The following DRG1 variants were observed in gnomAD, a reference collection of about 807,000 sequenced individuals.
DRG1 encodes the protein developmentally regulated GTP binding protein 1, also known as developmentally-regulated GTP-binding protein 1.
Under a neutral mutation model 38.8 loss-of-function variants are expected in DRG1, and 19 were observed. The ratio of observed to expected loss-of-function variants is 0.49; its 90% confidence interval spans 0.34 to 0.72. The LOEUF is 0.72. DRG1 is among the 30% of genes least tolerant of loss of function. DRG1 has a pLI of 0.01. For synonymous variants in DRG1, 167 were observed against 157.5 expected (o/e 1.06, Z -0.45); for missense variants, 299 against 444.8 (o/e 0.67, Z 2.95).
chr22:31,419,054 A>G (rs1394797982), intron 4 of DRG1, among the ~76,000 whole-genome samples: 1 of 152,096 alleles, frequency 6.6e-6, no homozygotes, highest in South Asian at 2.1e-4. Context: ...ACCTCAGGTG[A>G]TCTTCTCGCT....
At chr22:31,426,263 G>A (rs917488285) in intron 6 of DRG1, among the ~76,000 whole-genome samples, 1 of 152,098 alleles carries the variant, frequency 6.6e-6, no homozygotes, top group Non-Finnish European at 1.5e-5. Flanking sequence ...CTGACCCTCC[G>A]TGTCTGTGGG....
intron 3 of DRG1, among the ~76,000 whole-genome samples, chr22:31,407,624 C>G (rs916672619): frequency 6.6e-6 from 1 of 151,836 alleles, no homozygotes; most frequent in African/African-American, 2.4e-5. Flanking sequence ...GCATGAGCCA[C>G]TGTCCTGGGC....
In DRG1 at chr22:31,423,370, G is replaced by C; in HGVS notation, c.673G>C (p.Ala225Pro). 1 of 1,614,122 alleles carries C rather than the reference G, an allele frequency of 6.2e-7. No individual in the cohort carries two copies. Among genetic ancestry groups the C allele is most frequent in the East Asian group, 2.2e-5 (1 of 44,884 alleles). ...TGCCGATGTGACTCTACGTAGTGAT[G>C]CTACAGCTGATGACCTCATTGATGT... ...HNADVTLRSDATADDLIDVVE... is the reference protein window; with the variant it reads ...HNADVTLRSDPTADDLIDVVE... Residue 225 changes from alanine (A) to proline (P), a missense_variant, in exon 6 of 9, where the codon GCT becomes CCT. Transcript: ENST00000331457.
chr22:31,414,061 G>C (rs974036176), intron 4 of DRG1, among the ~76,000 whole-genome samples: 1 of 152,142 alleles, frequency 6.6e-6, no homozygotes, highest in Non-Finnish European at 1.5e-5. Context: ...TCTGACACCA[G>C]TGCCCCTTCC....
In DRG1 at chr22:31,426,708, C is replaced by T. The variant is rs1268946807; in HGVS notation, c.807C>T (p.Pro269=). 1.9e-6 allele frequency: 3 copies of T among 1,614,150 alleles called. No homozygotes were observed. Among genetic ancestry groups the T allele is most frequent in the Non-Finnish European group, 2.5e-6 (3 of 1,180,034 alleles). ...TCTATAAGGTGCCTCACTGTGTACC[C>T]ATCTCTGCCCATCACCGCTGGAATT... is the stretch of plus-strand genomic sequence containing the variant. ...DIIYKVPHCV[P]ISAHHRWNFD... is the part of the protein sequence containing the mutation. Residue 269 remains proline (P), a synonymous_variant, in exon 7 of 9, where the codon CCC becomes CCT. Coordinates refer to ENST00000331457, the MANE Select transcript of DRG1 (RefSeq NM_004147.4).
At chr22:31,433,061 C>T (rs180730917) in intron 8 of DRG1, among the ~76,000 whole-genome samples, 5 of 151,916 alleles carry the variant, frequency 3.3e-5, no homozygotes, top group South Asian at 4.2e-4. Context: ...TCCAGTAAAT[C>T]GGGAGGACAT....
chr22:31,420,512 A>G, intron 5 of DRG1, 87 bp downstream of exon 5: 1 of 1,516,162 alleles, frequency 6.6e-7, no homozygotes, highest in Non-Finnish European at 8.9e-7. Flanking sequence ...ACATTGGAAA[A>G]TTTCCTGGCT....
At position 31,406,914 on chromosome 22, in the gene DRG1, TTCTG is replaced by T. The variant is rs1399714309; in HGVS notation, c.342+3714_342+3717del. ...ATCATCCCATGATGCATTTAGCTAT[TTCTG>T]TCTATTTGTTTGCCATCTGCAGTAG... On this transcript the variant is annotated intron_variant, in intron 3 of 8. Transcript: ENST00000331457. 2.0e-5 allele frequency among the ~76,000 whole-genome samples: 3 copies of T among 152,346 alleles called. No individual in the cohort carries two copies. In the South Asian group the frequency reaches 6.2e-4, roughly 32 times the overall value.
intron 8 of DRG1, among the ~76,000 whole-genome samples, chr22:31,431,895 A>G (rs2050141210): frequency 6.6e-6 from 1 of 152,174 alleles, no homozygotes; most frequent in South Asian, 2.1e-4. Flanking sequence ...TTGTAGATTT[A>G]TATATAGCTC....
At chr22:31,413,914 G>A (rs147605936) in intron 4 of DRG1, among the ~76,000 whole-genome samples, 445 of 151,836 alleles carry the variant, frequency 2.9e-3, no homozygotes, top group African/African-American at 0.01. Flanking sequence ...GGGCCCTCCC[G>A]ACACCTGTCT....
At chr22:31,406,549 T>C (rs1720278667) in intron 3 of DRG1, among the ~76,000 whole-genome samples, 7 of 151,930 alleles carry the variant, frequency 4.6e-5, no homozygotes, top group Admixed American at 4.6e-4. Context: ...TAGCCAGGCA[T>C]CTTTAATACC....
intron 4 of DRG1, among the ~76,000 whole-genome samples, chr22:31,417,373 AAATAAT>A (rs985037350): frequency 5.3e-5 from 8 of 151,534 alleles, no homozygotes; most frequent in East Asian, 1.9e-4. Flanking sequence ...CTGTGTCAAA[AAATAAT>A]AATAATAAAA....
intron 8 of DRG1, among the ~76,000 whole-genome samples, chr22:31,431,127 C>T (rs1241414664): frequency 6.7e-6 from 1 of 149,570 alleles, no homozygotes; most frequent in Non-Finnish European, 1.5e-5. Context: ...CTCCGCCTCC[C>T]GGGTTCATGC....
rs531532839 is a variant in DRG1, at chr22:31,401,231, CCT to C, written c.166+489_166+490del. 4.7e-5 allele frequency among the ~76,000 whole-genome samples: 7 copies of C among 149,842 alleles called. No individual in the cohort carries two copies. The East Asian group carries it at 1.4e-3, about 30-fold the overall frequency. On this transcript the variant is annotated intron_variant, in intron 2 of 8. Coordinates refer to ENST00000331457, the MANE Select transcript of DRG1 (RefSeq NM_004147.4). The stretch of plus-strand genomic sequence containing the variant: ...GCCAGGAGTTCGGAACCAGCAAAGC[CCT>C]GTCTCTATGGGCTTAGAAATGAGGG...
intron 8 of DRG1, among the ~76,000 whole-genome samples, chr22:31,432,410 G>GTT (rs886674038): frequency 1.4e-5 from 2 of 147,304 alleles, no homozygotes; most frequent in Non-Finnish European, 3.0e-5. Flanking sequence ...TGTGCTTTGT[G>GTT]TTTTTTGTGT....
chr22:31,402,348 C>CA (rs1019515663), intron 2 of DRG1, among the ~76,000 whole-genome samples: 59 of 151,712 alleles, frequency 3.9e-4, no homozygotes, highest in Admixed American at 5.2e-4. Flanking sequence ...ATTTGAAAGA[C>CA]AAAAAAACAA....
At chr22:31,412,499 C>T (rs1470343608) in intron 4 of DRG1, among the ~76,000 whole-genome samples, 7 of 150,428 alleles carry the variant, frequency 4.7e-5, no homozygotes, top group Non-Finnish European at 7.4e-5. Context: ...TACAGGCGCC[C>T]GCCACCATGC....
chr22:31,399,845 A>C, intron 1 of DRG1, 120 bp downstream of exon 1: 1 of 1,464,996 alleles, frequency 6.8e-7, no homozygotes, highest in Non-Finnish European at 9.5e-7. Context: ...GACTTCTCTC[A>C]GCGAGGCCCG....
At position 31,426,503 on chromosome 22, in the gene DRG1, C is replaced by G. The variant is rs1004746641; in HGVS notation, c.714-112C>G. On this transcript the variant is annotated intron_variant, in intron 6 of 8. Coordinates refer to ENST00000331457, the MANE Select transcript of DRG1 (RefSeq NM_004147.4). ...CTTTTTCTGGCTGATCTGCTACTTA[C>G]AGTCCCTCTTGGGAGCGCCAGTTGG... The G allele has an allele frequency of 4.0e-5, 34 of 848,570 alleles. No homozygotes were observed. The African/African-American group carries it at 4.8e-4, about 12-fold the overall frequency. 52.6% of individuals were successfully genotyped at this position (848,570 alleles called of 1,614,324 possible).
Sources: gnomAD v4.1 joint callset for allele counts (sites outside exome capture counted in the v4.1 genomes callset) on GRCh38, gnomAD v4.1.1 for gene constraint, MANE v1.5 for transcripts, NCBI Gene and HGNC (gene_info 2026-07-23, HGNC 2026-07-21) for gene names.